PLEKHG1: variants seen among roughly 807,000 people sequenced by gnomAD.
PLEKHG1 encodes pleckstrin homology domain-containing family G member 1.
In PLEKHG1, 44 loss-of-function variants were observed where a neutral mutation model predicts 100.8. That is an observed-to-expected ratio of 0.44 (90% CI 0.34 to 0.56). The LOEUF (loss-of-function observed/expected upper bound fraction) is 0.56, where lower values mean the gene tolerates loss of function less well. Ranked by LOEUF, PLEKHG1 falls within the 20% of genes least tolerant of loss-of-function variation. The pLI, the probability that PLEKHG1 is intolerant of heterozygous loss-of-function variation, is 0.01. For missense variants in PLEKHG1, 1,545 were observed against 1,720.9 expected, an observed-to-expected ratio of 0.90 and a Z score of 1.81; for synonymous variants, 640 against 662.5, an observed-to-expected ratio of 0.97 and a Z score of 0.52.
At chr6:150,741,323 G>A (rs1782844367) in intron 2 of PLEKHG1, among the ~76,000 whole-genome samples, 1 of 152,140 alleles carries the variant, frequency 6.6e-6, no homozygotes, top group African/African-American at 2.4e-5. Flanking sequence ...ACTGATGTCA[G>A]GTTGGGTTAT....
chr6:150,644,130 G>A (rs1362194055), intron 2 of PLEKHG1, among the ~76,000 whole-genome samples: 1 of 151,946 alleles, frequency 6.6e-6, no homozygotes, highest in Admixed American at 6.6e-5. Flanking sequence ...GATTTGTTGA[G>A]TTGACATTCT....
At chr6:150,629,334 G>C (rs926644079) in intron 1 of PLEKHG1, among the ~76,000 whole-genome samples, 1 of 152,136 alleles carries the variant, frequency 6.6e-6, no homozygotes, top group Non-Finnish European at 1.5e-5. Context: ...CTCAACACTA[G>C]AGGGTTGGAT....
chr6:150,632,830 G>A (rs1305102613), intron 1 of PLEKHG1: 2 of 152,186 alleles, frequency 1.3e-5, no homozygotes, highest in Non-Finnish European at 2.9e-5. Context: ...GTCACTAATC[G>A]CTGGTTTAAT....
intron 2 of PLEKHG1, among the ~76,000 whole-genome samples, chr6:150,640,066 G>A (rs932481096): frequency 1.3e-5 from 2 of 152,222 alleles, no homozygotes; most frequent in South Asian, 2.1e-4. Flanking sequence ...CAAATCTTTC[G>A]ATTCCAAAGC....
intron 3 of PLEKHG1, among the ~76,000 whole-genome samples, chr6:150,681,137 A>G (rs532266025): frequency 2.8e-4 from 42 of 152,350 alleles, no homozygotes; most frequent in Non-Finnish European, 4.0e-4. Context: ...CCGTAAAGAC[A>G]GCATGGGAGT....
chr6:150,708,573 C>T (rs1265502250), intron 3 of PLEKHG1, among the ~76,000 whole-genome samples: 1 of 152,210 alleles, frequency 6.6e-6, no homozygotes, highest in Non-Finnish European at 1.5e-5. Context: ...TAGTCTCACT[C>T]ACCCAATTTC....
rs551579793 is a variant in PLEKHG1 at position 150,708,006 on chromosome 6, C to T, written c.-98-25578C>T. ...CCCGGATATTCAGCATTCCCAGGCT[C>T]CCTGTAGGAATTCTCCTAGTGGGCC... On this transcript the variant is annotated intron_variant, in intron 3 of 3. Coordinates refer to the PLEKHG1 transcript ENST00000367326. Among the ~76,000 whole-genome samples, 17 of 152,296 alleles carry T rather than the reference C, an allele frequency of 1.1e-4. No homozygotes were observed. The East Asian group carries it at 3.1e-3, about 28-fold the overall frequency.
At chr6:150,658,394 G>A (rs892524532) in intron 3 of PLEKHG1, among the ~76,000 whole-genome samples, 1 of 152,132 alleles carries the variant, frequency 6.6e-6, no homozygotes, top group Non-Finnish European at 1.5e-5. Context: ...AAAAAAAAAT[G>A]TGAGGCCTGG....
At chr6:150,764,465 C>T (rs1393945688) in intron 2 of PLEKHG1, among the ~76,000 whole-genome samples, 2 of 152,174 alleles carry the variant, frequency 1.3e-5, no homozygotes, top group African/African-American at 2.4e-5. Flanking sequence ...TCACCACACG[C>T]TTCAGTGGTT....
chr6:150,843,353 T>C (rs1777613847), exon 16 of PLEKHG1: 1 of 152,216 alleles, frequency 6.6e-6, no homozygotes, highest in African/African-American at 2.4e-5. Context: ...GAGAGCTGTG[T>C]GTATATATAT....
chr6:150,740,064 A>G (rs1009021634), intron 2 of PLEKHG1, among the ~76,000 whole-genome samples: 1 of 152,234 alleles, frequency 6.6e-6, no homozygotes, highest in African/African-American at 2.4e-5. Context: ...TGCAGAATGA[A>G]AGAAGGAAAT....
intron 2 of PLEKHG1, among the ~76,000 whole-genome samples, chr6:150,643,734 C>T (rs1158908274): frequency 3.3e-5 from 5 of 152,072 alleles, no homozygotes; most frequent in African/African-American, 7.2e-5. Context: ...GCGTAATGCC[C>T]GGCTCATACC....
chr6:150,814,866 C>T (rs1298376440), intron 10 of PLEKHG1, among the ~76,000 whole-genome samples: 2 of 152,234 alleles, frequency 1.3e-5, no homozygotes, highest in East Asian at 3.9e-4. Flanking sequence ...ACTACAGGCG[C>T]ACACCACCAC....
intron 10 of PLEKHG1, among the ~76,000 whole-genome samples, chr6:150,814,509 C>G (rs772668201): frequency 3.0e-4 from 45 of 152,278 alleles, no homozygotes; most frequent in Admixed American, 6.5e-4. Flanking sequence ...ACTTTATATT[C>G]TTATTTCACC....
intron 3 of PLEKHG1, among the ~76,000 whole-genome samples, chr6:150,778,751 A>G (rs1210839166): frequency 6.6e-6 from 1 of 152,210 alleles, no homozygotes; most frequent in Non-Finnish European, 1.5e-5. Context: ...CAAGCAGACA[A>G]AGTGGATAGG....
intron 13 of PLEKHG1, among the ~76,000 whole-genome samples, chr6:150,822,175 A>AC (rs1776342834): frequency 6.7e-6 from 1 of 149,740 alleles, no homozygotes; most frequent in Non-Finnish European, 1.5e-5. Flanking sequence ...AAAAAAAAAA[A>AC]AAAGAATAGG....
intron 3 of PLEKHG1, among the ~76,000 whole-genome samples, chr6:150,675,322 A>G (rs1244507804): frequency 6.6e-6 from 1 of 152,188 alleles, no homozygotes. Flanking sequence ...CGCGGCTCAT[A>G]AGTGGCAGAA....
intron 13 of PLEKHG1, 68 bp from the exon 15 acceptor site, chr6:150,823,586 A>G (rs1776425903): frequency 4.8e-6 from 5 of 1,048,430 alleles, no homozygotes; most frequent in Admixed American, 3.8e-5. Flanking sequence ...TCTATAAAAT[A>G]TTAGTGCTTA....
At chr6:150,616,915 G>A (rs1009986058) in intron 1 of PLEKHG1, among the ~76,000 whole-genome samples, 6 of 148,844 alleles carry the variant, frequency 4.0e-5, no homozygotes, top group Admixed American at 1.3e-4. Context: ...AAAATCACTG[G>A]TAAATGTTGA....
Sources: allele counts gnomAD v4.1 joint callset (sites outside exome capture counted in the v4.1 genomes callset), GRCh38; gene constraint gnomAD v4.1.1; transcripts MANE v1.5; gene names NCBI Gene and HGNC (gene_info 2026-07-23, HGNC 2026-07-21).